The following C12orf76 variants were observed in gnomAD, a reference collection of about 807,000 sequenced individuals.
C12orf76 encodes the protein uncharacterized protein C12orf76.
C12orf76 carries 6 observed loss-of-function variants against 6.8 expected under a neutral mutation model. The observed-to-expected ratio is 0.88, with a 90% CI of 0.48 to 1.73. The LOEUF is 1.73. C12orf76 is among the 40% of genes most tolerant of loss of function. C12orf76 has a pLI of 0.01. For missense variants in C12orf76, 99 were observed against 98.2 expected (o/e 1.01, Z -0.03); for synonymous variants, 56 against 43.7 (o/e 1.28, Z -1.11).
intron 4 of C12orf76, chr12:110,056,787 T>C (rs1478062568): frequency 5.4e-6 from 1 of 184,206 alleles, no homozygotes; most frequent in Non-Finnish European, 1.1e-5. Context: ...GATGGTTTTA[T>C]AAGAGGTTTC....
intron 2 of C12orf76, among the ~76,000 whole-genome samples, chr12:110,063,711 C>T (rs1789215298): frequency 6.6e-6 from 1 of 151,028 alleles, no homozygotes; most frequent in South Asian, 2.1e-4. Flanking sequence ...CACTGCAATG[C>T]CCGCCTCCCA....
chr12:110,065,685 G>A (rs1892846621), intron 2 of C12orf76, among the ~76,000 whole-genome samples: 1 of 152,056 alleles, frequency 6.6e-6, no homozygotes, highest in Non-Finnish European at 1.5e-5. Flanking sequence ...CCGTCATTCT[G>A]GTCCCACCAC....
At chr12:110,043,612 G>C (rs2137212356) in intron 1 of C12orf76, among the ~76,000 whole-genome samples, 1 of 152,236 alleles carries the variant, frequency 6.6e-6, no homozygotes, top group South Asian at 2.1e-4. Flanking sequence ...CCAGCACTTT[G>C]GGAGGCCGAG....
At chr12:110,060,277 CTCT>C (rs1390616896) in intron 2 of C12orf76, among the ~76,000 whole-genome samples, 4 of 152,172 alleles carry the variant, frequency 2.6e-5, no homozygotes, top group Non-Finnish European at 5.9e-5. Flanking sequence ...CTCCATGCCT[CTCT>C]TCTTCATAGC....
intron 2 of C12orf76, among the ~76,000 whole-genome samples, chr12:110,061,083 C>CAAAAAA (rs34382276): frequency 1.2e-5 from 1 of 84,286 alleles, no homozygotes; most frequent in African/African-American, 3.9e-5. Context: ...GACTCTGACT[C>CAAAAAA]AAAAAAAAAA....
At chr12:110,066,694 A>G (rs575067652) in intron 1 of C12orf76, among the ~76,000 whole-genome samples, 2 of 134,394 alleles carry the variant, frequency 1.5e-5, no homozygotes, top group African/African-American at 5.0e-5. Flanking sequence ...GTCTCAAAAA[A>G]AGAAAAAAAA....
intron 3 of C12orf76, chr12:110,057,405 C>T (rs1892688173): frequency 1.4e-6 from 1 of 730,092 alleles, no homozygotes. Context: ...TCTTCATGGA[C>T]CCCTAAAGAA....
intron 2 of C12orf76, among the ~76,000 whole-genome samples, chr12:110,062,758 T>G (rs1892793293): frequency 6.8e-6 from 1 of 147,730 alleles, no homozygotes; most frequent in Non-Finnish European, 1.5e-5. Flanking sequence ...TAGCTGGAAC[T>G]ACAGGTGTGC....
At chr12:110,051,012 G>A (rs760404805), upstream of C12orf76, 2 of 774,222 alleles carry the variant, frequency 2.6e-6, no homozygotes, top group African/African-American at 3.4e-5. Context: ...AAGGGAAGGT[G>A]TAATCTGCCA....
upstream of C12orf76, among the ~76,000 whole-genome samples, chr12:110,068,323 A>G (rs903205325): frequency 7.4e-6 from 1 of 134,954 alleles, no homozygotes; most frequent in Non-Finnish European, 1.7e-5. Flanking sequence ...GAAGAAGAAG[A>G]AGAAGAAGGC....
upstream of C12orf76, among the ~76,000 whole-genome samples, chr12:110,070,145 G>C (rs1892944067): frequency 6.6e-6 from 1 of 151,708 alleles, no homozygotes; most frequent in Non-Finnish European, 1.5e-5. Flanking sequence ...GGTTGAGGTG[G>C]GAAGACTGCT....
chr12:110,069,183 G>C (rs1892930656), upstream of C12orf76, among the ~76,000 whole-genome samples: 2 of 152,192 alleles, frequency 1.3e-5, no homozygotes, highest in Admixed American at 1.3e-4. Context: ...CCTCACGCCT[G>C]TAATCCCAGC....
In C12orf76 at chr12:110,055,008, A is replaced by G. The variant is rs868541918; in HGVS notation, n.664+2181T>C. ...ATAAAGGGAAAGGTCAGAGAATGAG[A>G]TGAAGGATGAGTTTGCAGGGAGCAA... On this transcript the variant is annotated intron_variant and non_coding_transcript_variant, in intron 4 of 4. Transcript: ENST00000309050. Among the ~76,000 whole-genome samples, 8 of 152,264 alleles carry G rather than the reference A, an allele frequency of 5.3e-5. No homozygotes were observed. In the South Asian group the frequency reaches 6.2e-4, roughly 12 times the overall value.
At chr12:110,046,923 C>G (rs1323015512) in intron 1 of C12orf76, among the ~76,000 whole-genome samples, 1 of 152,046 alleles carries the variant, frequency 6.6e-6, no homozygotes, top group African/African-American at 2.4e-5. Flanking sequence ...TGCCCCTCGC[C>G]CCCTGAAATC....
At chr12:110,053,923 A>C (rs1321668677), upstream of C12orf76, among the ~76,000 whole-genome samples, 3 of 152,050 alleles carry the variant, frequency 2.0e-5, no homozygotes, top group African/African-American at 7.2e-5. Flanking sequence ...GTCTTGACGA[A>C]AAATACAAAA....
chr12:110,054,074 C>CA (rs952603960), upstream of C12orf76, among the ~76,000 whole-genome samples: 18 of 148,128 alleles, frequency 1.2e-4, no homozygotes, highest in East Asian at 2.0e-4. The surrounding 1 kb of genome is among the most constrained non-coding windows in gnomAD (Gnocchi z 4.4). Flanking sequence ...GACCCTGTCT[C>CA]AAAAAAAATA....
intron 1 of C12orf76, among the ~76,000 whole-genome samples, chr12:110,048,018 T>C (rs1416368248): frequency 1.3e-5 from 2 of 151,850 alleles, no homozygotes; most frequent in Non-Finnish European, 2.9e-5. Flanking sequence ...CTGGCCAACA[T>C]AGTGAAACCC....
intron 3 of C12orf76, among the ~76,000 whole-genome samples, chr12:110,058,616 G>C (rs1892717436): frequency 6.6e-6 from 1 of 152,058 alleles, no homozygotes; most frequent in South Asian, 2.1e-4. Flanking sequence ...AGTGAGCCGA[G>C]ATCATGCCAC....
chr12:110,054,104 A>G (rs1214550723), upstream of C12orf76, among the ~76,000 whole-genome samples: 1 of 152,214 alleles, frequency 6.6e-6, no homozygotes. This position sits in a 1 kb window ranked among gnomAD's most constrained non-coding sequence, Gnocchi z 4.4. Context: ...AATAATTTTA[A>G]AAATGGGATG....
Sources: allele counts gnomAD v4.1 joint callset (sites outside exome capture counted in the v4.1 genomes callset), GRCh38; gene constraint gnomAD v4.1.1; non-coding constraint Gnocchi (gnomAD v3.1); transcripts MANE v1.5; gene names NCBI Gene and HGNC (gene_info 2026-07-23, HGNC 2026-07-21).